Variants in CLIC5 observed in about 807,000 individuals in gnomAD.
The protein encoded by CLIC5 is CLIC family member 5, also known as chloride intracellular channel protein 5.
A neutral mutation model predicts 24.7 loss-of-function variants in CLIC5; 20 were observed. That is an observed-to-expected ratio of 0.81 (90% confidence interval 0.57 to 1.18). The LOEUF is 1.18. Ranked by LOEUF, CLIC5 falls within the 50% of genes most tolerant of loss-of-function variation. CLIC5 has a pLI of 0.00. For missense variants in CLIC5, 341 were observed against 326.1 expected (o/e 1.05, Z -0.35); for synonymous variants, 159 against 135.6 (o/e 1.17, Z -1.20).
rs566946259 is a variant in CLIC5, at chr6:45,975,317, A to T, written c.64-20073T>A. 1.2e-3 allele frequency among the ~76,000 whole-genome samples: 190 copies of T among 152,326 alleles called. 2 individuals are homozygous for T. Among genetic ancestry groups the T allele is most frequent in the African/African-American group, 3.8e-3 (156 of 41,566 alleles). ...AGATACAGGAGAATGGCAAATAAAG[A>T]TGAAAGAAAGACTTTTAATGAAATA... On this transcript the variant is annotated intron_variant, in intron 1 of 5. Coordinates refer to ENST00000339561, the MANE Select transcript of CLIC5 (RefSeq NM_016929.5).
intron 1 of CLIC5, among the ~76,000 whole-genome samples, chr6:45,970,315 C>A (rs200836434): frequency 2.1e-5 from 3 of 143,106 alleles, no homozygotes; most frequent in Non-Finnish European, 4.6e-5. Flanking sequence ...ACAGAAAAAA[C>A]CAAGCCAGTT....
At chr6:46,038,702 T>A (rs1207007089) in intron 1 of CLIC5, among the ~76,000 whole-genome samples, 1 of 152,222 alleles carries the variant, frequency 6.6e-6, no homozygotes, top group Non-Finnish European at 1.5e-5. Context: ...TCTCTAGCAC[T>A]CTCTTTCCCA....
chr6:46,038,541 G>C (rs1305199344), intron 1 of CLIC5, among the ~76,000 whole-genome samples: 2 of 152,202 alleles, frequency 1.3e-5, no homozygotes, highest in Non-Finnish European at 2.9e-5. Flanking sequence ...GGAAATGAGA[G>C]TGAAAAAGAA....
rs1762933565 is a variant in CLIC5 at position 45,914,318 on chromosome 6, C to T, written c.498G>A (p.Gly166=). ...LPEEIDANTC[G]EDKGSRRKFL... The stretch of plus-strand genomic sequence containing the variant: ...ACTTGCGCCGGGACCCCTTGTCTTC[C>T]CCACAAGTGTTGGCGTCAATCTCCT... The change falls in exon 5 of 6, where the codon GGG becomes GGA. Residue 166 remains glycine, a synonymous_variant. Transcript: ENST00000339561. 1.2e-6 allele frequency: 2 copies of T among 1,606,950 alleles called. No individual in the cohort carries two copies. Among genetic ancestry groups the T allele is most frequent in the Non-Finnish European group, 1.7e-6 (2 of 1,175,180 alleles).
At chr6:46,120,780 T>C in the CLIC5 span, among the ~76,000 whole-genome samples, 2 of 152,100 alleles carry the variant, frequency 1.3e-5, no homozygotes, top group East Asian at 3.9e-4. Context: ...AACTACATGA[T>C]GAATGCACAA....
rs151237311 is a variant in CLIC5 at position 46,030,108 on chromosome 6, G to A, written c.540+49595C>T. Among the ~76,000 whole-genome samples, 201 of 152,162 alleles carry A rather than the reference G, an allele frequency of 1.3e-3. 2 individuals carry two copies. The highest frequency in any genetic ancestry group is 8.4e-3 in the Admixed American group (128 of 15,274). On this transcript the variant is annotated intron_variant, in intron 1 of 5. Transcript: ENST00000185206. The stretch of plus-strand genomic sequence containing the variant: ...TGTAACCTCCTTGAGAGCCTCATAC[G>A]TATATATAAATGTCTGCCGAGAACC...
chr6:45,988,703 G>T (rs1581831201), intron 1 of CLIC5, among the ~76,000 whole-genome samples: 1 of 152,216 alleles, frequency 6.6e-6, no homozygotes, highest in Non-Finnish European at 1.5e-5. Context: ...ATTAGAAAGA[G>T]TATGAAATCA....
At chr6:46,033,310 A>G (rs963671409) in intron 1 of CLIC5, among the ~76,000 whole-genome samples, 6 of 146,868 alleles carry the variant, frequency 4.1e-5, no homozygotes, top group African/African-American at 1.5e-4. Context: ...TTTTTTTTTT[A>G]AGATGTATGC....
chr6:45,887,778 G>A (rs1199955567), intron 6 of CLIC5, among the ~76,000 whole-genome samples: 1 of 152,076 alleles, frequency 6.6e-6, no homozygotes, highest in Admixed American at 6.5e-5. Flanking sequence ...GTAACATAAC[G>A]CGTAATACAC....
intron 1 of CLIC5, among the ~76,000 whole-genome samples, chr6:46,037,632 AC>A (rs1767699411): frequency 6.6e-6 from 1 of 152,212 alleles, no homozygotes; most frequent in Non-Finnish European, 1.5e-5. Flanking sequence ...TGTGTTGGGC[AC>A]CCTATTTTGA....
At chr6:45,889,781 C>A (rs1276253577) in intron 6 of CLIC5, among the ~76,000 whole-genome samples, 1 of 152,102 alleles carries the variant, frequency 6.6e-6, no homozygotes, top group South Asian at 2.1e-4. Flanking sequence ...GATAATCACA[C>A]CTCCAGGAAC....
At chr6:45,965,630 C>A (rs1333594991) in intron 1 of CLIC5, among the ~76,000 whole-genome samples, 1 of 152,164 alleles carries the variant, frequency 6.6e-6, no homozygotes, top group Admixed American at 6.5e-5. Context: ...AAGAGCAATA[C>A]AAATCTATAG....
intron 1 of CLIC5, among the ~76,000 whole-genome samples, chr6:45,985,340 G>C (rs2127418056): frequency 6.6e-6 from 1 of 152,280 alleles, no homozygotes; most frequent in South Asian, 2.1e-4. Context: ...CTAATTTTCA[G>C]GCGAGAATCT....
At chr6:45,896,284 C>G (rs923638990), downstream of CLIC5, among the ~76,000 whole-genome samples, 10 of 152,268 alleles carry the variant, frequency 6.6e-5, no homozygotes, top group African/African-American at 2.4e-4. Context: ...AGAGACCTTC[C>G]AATAGATTGA....
intron 4 of CLIC5, among the ~76,000 whole-genome samples, chr6:45,923,069 A>G (rs954285518): frequency 7.2e-5 from 11 of 152,224 alleles, no homozygotes; most frequent in African/African-American, 2.7e-4. Flanking sequence ...GTTTTCTATT[A>G]GACTTTCCAG....
intron 1 of CLIC5, among the ~76,000 whole-genome samples, chr6:46,007,028 T>C (rs1051957883): frequency 6.6e-6 from 1 of 152,136 alleles, no homozygotes; most frequent in Admixed American, 6.5e-5. Flanking sequence ...CCATGCTCCC[T>C]CCTCTGGGGA....
chr6:45,989,692 T>C (rs1372358732), intron 1 of CLIC5, among the ~76,000 whole-genome samples: 1 of 152,198 alleles, frequency 6.6e-6, no homozygotes, highest in Non-Finnish European at 1.5e-5. Flanking sequence ...TACCAGAAGT[T>C]AGCTGGGGCA....
intron 1 of CLIC5, among the ~76,000 whole-genome samples, chr6:45,997,791 G>T (rs1766205545): frequency 6.6e-6 from 1 of 152,212 alleles, no homozygotes; most frequent in South Asian, 2.1e-4. Flanking sequence ...AGGAAATTAG[G>T]CATGCACACA....
chr6:46,075,839 C>G (rs537062865), intron 1 of CLIC5, among the ~76,000 whole-genome samples: 14 of 152,280 alleles, frequency 9.2e-5, no homozygotes, highest in East Asian at 3.9e-4. Context: ...CTTTCTCATT[C>G]GCACATTTTC....
Sources: gnomAD v4.1 joint callset for allele counts (sites outside exome capture counted in the v4.1 genomes callset) on GRCh38, gnomAD v4.1.1 for gene constraint, MANE v1.5 for transcripts, NCBI Gene and HGNC (gene_info 2026-07-23, HGNC 2026-07-21) for gene names.